FHL2: variants seen among roughly 807,000 people sequenced by gnomAD.
FHL2 encodes four and a half LIM domains 2, also known as four and a half LIM domains protein 2.
A neutral mutation model predicts 32.7 loss-of-function variants in FHL2; 20 were observed. The observed-to-expected ratio is 0.61, with a 90% CI of 0.43 to 0.89. The LOEUF is 0.89. Among genes scored for constraint, FHL2 ranks in the 40% least tolerant of loss-of-function variants. FHL2 has a pLI of 0.00. For missense variants in FHL2, 311 were observed against 358.6 expected (o/e 0.87, Z 1.07); for synonymous variants, 123 against 128.1 (o/e 0.96, Z 0.27).
At chr2:105,388,970 T>C (rs992523525) in intron 2 of FHL2, among the ~76,000 whole-genome samples, 9 of 152,192 alleles carry the variant, frequency 5.9e-5, no homozygotes, top group Admixed American at 5.2e-4. Context: ...CTGATGCAAA[T>C]AAAATATTGC....
chr2:105,406,068 T>TTTCA lies in FHL2; in HGVS notation c.-24-19532_-24-19529dup, dbSNP rs139559955. On this transcript the variant is annotated intron_variant, in intron 1 of 5. Coordinates refer to the FHL2 transcript ENST00000393352. ...TCTAGAGAGCATGTTTAGGAATACC[T>TTTCA]TTCACCTATTTCAGAAGGTACTTTA... Among the ~76,000 whole-genome samples the TTTCA allele has an allele frequency of 3.4e-3, 518 of 152,302 alleles. 4 individuals carry two copies. The highest frequency in any genetic ancestry group is 0.012 in the African/African-American group (487 of 41,568).
At chr2:105,418,028 G>T (rs1232858983) in intron 1 of FHL2, among the ~76,000 whole-genome samples, 1 of 152,148 alleles carries the variant, frequency 6.6e-6, no homozygotes, top group East Asian at 1.9e-4. Flanking sequence ...GGACTCAGGG[G>T]TATAGGGACC....
chr2:105,363,515 C>A, intron 5 of FHL2, 44 bp from the exon 6 acceptor site: 2 of 1,521,088 alleles, frequency 1.3e-6, no homozygotes, highest in African/African-American at 1.4e-5. Context: ...CTGTGCTTGG[C>A]AGACATCTTC....
At position 105,396,716 on chromosome 2, in the gene FHL2, T is replaced by C; in HGVS notation, c.-75-19A>G. The stretch of plus-strand genomic sequence containing the variant: ...TCAGCCACTAGAGAAAGCACACGTG[T>C]TTTGTTTCAGATGGTCATCTTGAGG... On this transcript the variant is annotated intron_variant, in intron 1 of 6. Transcript: ENST00000530340. The C allele has an allele frequency of 6.2e-7, 1 of 1,611,972 alleles. No homozygotes were observed. The highest frequency in any genetic ancestry group is 8.5e-7 in the Non-Finnish European group (1 of 1,179,468).
chr2:105,399,113 A>C (rs1222567650), upstream of FHL2: 1 of 1,428,850 alleles, frequency 7.0e-7, no homozygotes, highest in Non-Finnish European at 9.1e-7. Flanking sequence ...ATATAAGGAG[A>C]TGCACGCCTC....
chr2:105,368,656 C>CT (rs1368522527), intron 4 of FHL2, among the ~76,000 whole-genome samples: 5 of 152,204 alleles, frequency 3.3e-5, no homozygotes, highest in Admixed American at 3.3e-4. Flanking sequence ...ACCCCTGCCA[C>CT]CACCAAGCTG....
At chr2:105,430,710 T>G (rs1340118803) in intron 1 of FHL2, among the ~76,000 whole-genome samples, 1 of 152,172 alleles carries the variant, frequency 6.6e-6, no homozygotes, top group Non-Finnish European at 1.5e-5. Context: ...CCCCAGCCCT[T>G]TTGTGTAGGA....
chr2:105,370,550 TTG>T (rs1379349506), intron 4 of FHL2, among the ~76,000 whole-genome samples: 1 of 152,094 alleles, frequency 6.6e-6, no homozygotes. Context: ...AGTTTCCTGA[TTG>T]GTCATCAGGA....
chr2:105,398,931 C>T lies in FHL2; in HGVS notation c.-165G>A, dbSNP rs1156777824. On this transcript the variant is annotated 5_prime_UTR_variant, in exon 1 of 7. Transcript: ENST00000530340. ...TCCGAGCCCTGGTGGCTAAGCCCCT[C>T]GGCCTCCCTCCGGGGCGCAGGGGGT... 6.5e-7 allele frequency: 1 copy of T among 1,537,338 alleles called. No individual in the cohort carries two copies. The highest frequency in any genetic ancestry group is 1.2e-5 in the South Asian group (1 of 80,956).
upstream of FHL2, among the ~76,000 whole-genome samples, chr2:105,402,084 TGTATATATACGTGTATATATACAC>T (rs986757068): frequency 3.3e-5 from 4 of 121,724 alleles, no homozygotes; most frequent in Admixed American, 8.3e-5. Flanking sequence ...TGTATATATG[TGTATATATACGTGTATATATACAC>T]GTATATATAC....
chr2:105,418,477 G>A (rs1684000461), intron 1 of FHL2, among the ~76,000 whole-genome samples: 1 of 152,134 alleles, frequency 6.6e-6, no homozygotes, highest in Non-Finnish European at 1.5e-5. Context: ...GTAGGTCAGA[G>A]TTGCACATTT....
intron 1 of FHL2, among the ~76,000 whole-genome samples, chr2:105,421,376 G>A (rs1307533923): frequency 6.6e-6 from 1 of 152,100 alleles, no homozygotes; most frequent in Non-Finnish European, 1.5e-5. Context: ...GTAGATGCTG[G>A]GTGGAGTATT....
intron 1 of FHL2, among the ~76,000 whole-genome samples, chr2:105,420,545 T>C (rs1162954792): frequency 6.6e-6 from 1 of 152,086 alleles, no homozygotes; most frequent in Non-Finnish European, 1.5e-5. Flanking sequence ...TAGTAGCAAA[T>C]TATTCATAAC....
intron 1 of FHL2, among the ~76,000 whole-genome samples, chr2:105,407,660 T>A (rs371292707): frequency 2.6e-5 from 4 of 152,264 alleles, no homozygotes; most frequent in African/African-American, 9.6e-5. Context: ...GGTTACAGCA[T>A]CCGCAGATAC....
chr2:105,367,885 GTA>G, intron 4 of FHL2, 146 bp from the exon 5 acceptor site: 1 of 725,850 alleles, frequency 1.4e-6, no homozygotes, highest in Non-Finnish European at 2.2e-6. Flanking sequence ...CTACATGGAG[GTA>G]ATTCCTATTT....
At chr2:105,363,702 C>T (rs906924223) in intron 5 of FHL2, among the ~76,000 whole-genome samples, 9 of 152,168 alleles carry the variant, frequency 5.9e-5, no homozygotes, top group Admixed American at 5.9e-4. Context: ...CTTGGGGTTG[C>T]CCTCAGCCCT....
chr2:105,365,599 C>G (rs1680572570), intron 5 of FHL2, among the ~76,000 whole-genome samples: 1 of 150,960 alleles, frequency 6.6e-6, no homozygotes, highest in Non-Finnish European at 1.5e-5. Context: ...GGAATGAGAG[C>G]TCAATCTAAG....
rs1216488729 is a variant in FHL2, at chr2:105,363,436, C to T, written c.537G>A (p.Gln179=). Residue 179 remains glutamine (Q), a synonymous_variant, in exon 6 of 7, where the codon CAG becomes CAA. Coordinates refer to ENST00000530340, the MANE Select transcript of FHL2 (RefSeq NM_001318895.3). ...ITTGGVTYRE[Q]PWHKECFVCT... ...ACACGAAGCACTCCTTGTGCCAGGG[C>T]TGCTCCCGGTAAGTGACCCCTCCCG... The T allele has an allele frequency of 6.2e-7, 1 of 1,611,994 alleles. No homozygotes were observed. Among genetic ancestry groups the T allele is most frequent in the East Asian group, 2.2e-5 (1 of 44,848 alleles).
intron 1 of FHL2, among the ~76,000 whole-genome samples, chr2:105,436,649 TA>T (rs996913005): frequency 6.6e-6 from 1 of 152,084 alleles, no homozygotes; most frequent in Non-Finnish European, 1.5e-5. Context: ...CTCATAGTGG[TA>T]TTTTTTTAAA....
Sources: gnomAD v4.1 joint callset for allele counts (sites outside exome capture counted in the v4.1 genomes callset) on GRCh38, gnomAD v4.1.1 for gene constraint, MANE v1.5 for transcripts, NCBI Gene and HGNC (gene_info 2026-07-23, HGNC 2026-07-21) for gene names.